Variants in SGCZ observed in about 807,000 individuals in gnomAD.
The protein encoded by SGCZ is zeta-sarcoglycan.
A neutral mutation model predicts 41.3 loss-of-function variants in SGCZ; 40 were observed. That is an observed-to-expected ratio of 0.97 (90% confidence interval 0.75 to 1.26). The LOEUF is 1.26. Among genes scored for constraint, SGCZ ranks in the 50% most tolerant of loss-of-function variants. The pLI, the probability that SGCZ is intolerant of heterozygous loss-of-function variation, is 0.00. For synonymous variants in SGCZ, 206 were observed against 137.5 expected (o/e 1.50, Z -3.49); for missense variants, 552 against 369.8 (o/e 1.49, Z -4.04).
chr8:14,175,727 A>G (rs1804522689), intron 4 of SGCZ, among the ~76,000 whole-genome samples: 1 of 152,128 alleles, frequency 6.6e-6, no homozygotes, highest in Non-Finnish European at 1.5e-5. Flanking sequence ...ATACTCAAAT[A>G]TGTCACTAAT....
rs1801595161 is a variant in SGCZ, at chr8:14,088,534, T to A, written c.*1909A>T. Among the ~76,000 whole-genome samples the A allele has an allele frequency of 6.6e-6, 1 of 151,882 alleles. No homozygotes were observed. The highest frequency in any genetic ancestry group is 2.4e-5 in the African/African-American group (1 of 41,436). On this transcript the variant is annotated 3_prime_UTR_variant, in exon 8 of 8. Transcript: ENST00000382080. ...ATTTTGCAAAGACCAATGTGAGATT[T>A]CTTATATTAAATTCTCTTATTTTAA... is the stretch of plus-strand genomic sequence containing the variant.
At chr8:14,720,152 C>T (rs961929451) in intron 1 of SGCZ, among the ~76,000 whole-genome samples, 4 of 151,620 alleles carry the variant, frequency 2.6e-5, no homozygotes, top group African/African-American at 9.7e-5. Context: ...TGATCTTGGC[C>T]ACAAATACAT....
chr8:14,477,993 A>G (rs1801409420), intron 2 of SGCZ, among the ~76,000 whole-genome samples: 1 of 152,222 alleles, frequency 6.6e-6, no homozygotes, highest in Admixed American at 6.5e-5. Flanking sequence ...TTTTCCAAGT[A>G]AGTGCAGAAT....
intron 1 of SGCZ, among the ~76,000 whole-genome samples, chr8:14,913,969 T>C (rs1034827185): frequency 1.3e-5 from 2 of 151,756 alleles, no homozygotes; most frequent in African/African-American, 4.9e-5. Context: ...AGAATCAAGT[T>C]TGTAGCATAA....
intron 1 of SGCZ, among the ~76,000 whole-genome samples, chr8:14,855,867 C>T (rs1298161492): frequency 6.6e-6 from 1 of 152,132 alleles, no homozygotes; most frequent in Non-Finnish European, 1.5e-5. Context: ...CTTCTGATGA[C>T]TCACAATGTT....
intron 3 of SGCZ, among the ~76,000 whole-genome samples, chr8:14,287,628 C>G (rs1288335004): frequency 5.9e-5 from 9 of 152,060 alleles, no homozygotes; most frequent in Non-Finnish European, 1.3e-4. Flanking sequence ...GATAAGAACT[C>G]TTTGACATGT....
chr8:14,377,948 G>C (rs180778984), intron 2 of SGCZ, among the ~76,000 whole-genome samples: 1,861 of 150,278 alleles, frequency 0.012, 40 homozygotes, highest in African/African-American at 0.042. Flanking sequence ...ATTAGGCTTG[G>C]TTCCAAGTCT....
intron 1 of SGCZ, among the ~76,000 whole-genome samples, chr8:14,590,027 GT>G (rs2117282013): frequency 6.6e-6 from 1 of 152,122 alleles, no homozygotes; most frequent in Non-Finnish European, 1.5e-5. Flanking sequence ...TGAATAGTAG[GT>G]TTTCCTTCTT....
intron 1 of SGCZ, among the ~76,000 whole-genome samples, chr8:14,688,776 G>C (rs1052563588): frequency 5.3e-5 from 8 of 152,056 alleles, no homozygotes; most frequent in East Asian, 1.9e-4. Flanking sequence ...AATCAGGCAG[G>C]AGAAGGAAAT....
chr8:15,132,074 G>C (rs918585239), intron 1 of SGCZ, among the ~76,000 whole-genome samples: 1 of 152,110 alleles, frequency 6.6e-6, no homozygotes, highest in Admixed American at 6.5e-5. Context: ...AAAAGCCCCT[G>C]GAAATTGTTC....
chr8:14,420,373 G>A (rs1799606689), intron 2 of SGCZ, among the ~76,000 whole-genome samples: 1 of 152,002 alleles, frequency 6.6e-6, no homozygotes, highest in Non-Finnish European at 1.5e-5. Flanking sequence ...ATTGCTATTT[G>A]CAACAAAGTC....
At chr8:15,217,619 G>A (rs1801451691) in intron 1 of SGCZ, among the ~76,000 whole-genome samples, 1 of 152,120 alleles carries the variant, frequency 6.6e-6, no homozygotes. Flanking sequence ...TGGAAGGGAC[G>A]AGACTGGCGT....
chr8:14,223,214 A>G (rs1000299918), intron 4 of SGCZ, among the ~76,000 whole-genome samples: 1 of 152,082 alleles, frequency 6.6e-6, no homozygotes, highest in Non-Finnish European at 1.5e-5. Context: ...GATTTTCAAT[A>G]CCTATACTAA....
intron 1 of SGCZ, among the ~76,000 whole-genome samples, chr8:14,731,388 G>T (rs1810234004): frequency 6.6e-6 from 1 of 151,872 alleles, no homozygotes; most frequent in Non-Finnish European, 1.5e-5. Context: ...TCTGTCAGGG[G>T]GTGGGGGGAT....
chr8:14,850,259 T>G (rs978277505), intron 1 of SGCZ, among the ~76,000 whole-genome samples: 1 of 152,198 alleles, frequency 6.6e-6, no homozygotes, highest in Non-Finnish European at 1.5e-5. Flanking sequence ...AGTTAAAATA[T>G]GCATGCACTG....
chr8:14,511,423 G>C (rs796860734), intron 2 of SGCZ, among the ~76,000 whole-genome samples: 1 of 151,880 alleles, frequency 6.6e-6, no homozygotes, highest in African/African-American at 2.4e-5. Context: ...CTGCCTAAGA[G>C]CCAGAGAAAA....
intron 1 of SGCZ, among the ~76,000 whole-genome samples, chr8:14,660,942 C>T (rs1399201547): frequency 6.6e-6 from 1 of 152,016 alleles, no homozygotes; most frequent in Non-Finnish European, 1.5e-5. Context: ...GAAGAATTTA[C>T]TCAGGATAGC....
chr8:14,937,877 A>G (rs1379228914), intron 1 of SGCZ, among the ~76,000 whole-genome samples: 3 of 152,160 alleles, frequency 2.0e-5, no homozygotes, highest in African/African-American at 7.2e-5. Flanking sequence ...GATATTTTTA[A>G]AAATTCATGA....
intron 3 of SGCZ, among the ~76,000 whole-genome samples, chr8:14,272,300 G>A (rs758134728): frequency 4.0e-4 from 61 of 152,156 alleles, no homozygotes; most frequent in African/African-American, 1.2e-3. Flanking sequence ...CACTGCACCC[G>A]ACCCTTAAAT....
Sources: gnomAD v4.1 joint callset for allele counts (sites outside exome capture counted in the v4.1 genomes callset) on GRCh38, gnomAD v4.1.1 for gene constraint, MANE v1.5 for transcripts, NCBI Gene and HGNC (gene_info 2026-07-23, HGNC 2026-07-21) for gene names.